The following ANO6 variants were observed in gnomAD, a reference collection of about 807,000 sequenced individuals.
ANO6 encodes anoctamin 6.
A neutral mutation model predicts 117.5 loss-of-function variants in ANO6; 106 were observed. The ratio of observed to expected loss-of-function variants is 0.90; its 90% confidence interval spans 0.77 to 1.06. The LOEUF is 1.06. ANO6 is among the 50% of genes least tolerant of loss of function. The pLI is 0.00. For synonymous variants in ANO6, 367 were observed against 385.1 expected, an observed-to-expected ratio of 0.95 and a Z score of 0.55; for missense variants, 955 against 1,121.1, an observed-to-expected ratio of 0.85 and a Z score of 2.12.
chr12:45,425,978 C>T (rs1350526778), intron 19 of ANO6, among the ~76,000 whole-genome samples: 1 of 152,196 alleles, frequency 6.6e-6, no homozygotes, highest in African/African-American at 2.4e-5. Flanking sequence ...ACAACAACTT[C>T]TAACAAAACC....
intron 1 of ANO6, among the ~76,000 whole-genome samples, chr12:45,252,280 T>C (rs1937647131): frequency 6.6e-6 from 1 of 152,258 alleles, no homozygotes; most frequent in Non-Finnish European, 1.5e-5. Context: ...CCTGATTTGA[T>C]GCTTTTGTGT....
intron 12 of ANO6, among the ~76,000 whole-genome samples, chr12:45,396,815 A>G: frequency 6.6e-6 from 1 of 152,200 alleles, no homozygotes; most frequent in African/African-American, 2.4e-5. Context: ...CCTTCCTTAC[A>G]CCTTGTACAA....
chr12:45,401,178 T>C (rs1239159217), intron 12 of ANO6, among the ~76,000 whole-genome samples: 1 of 152,140 alleles, frequency 6.6e-6, no homozygotes, highest in Non-Finnish European at 1.5e-5. Context: ...GTACCAACAG[T>C]TAGCTCAGGG....
At chr12:45,433,765 G>C (rs1943676352), downstream of ANO6, among the ~76,000 whole-genome samples, 1 of 152,220 alleles carries the variant, frequency 6.6e-6, no homozygotes, top group South Asian at 2.1e-4. Flanking sequence ...CAGCATTCCT[G>C]AGGGGAGAAG....
rs1943649598 is a variant in ANO6, at chr12:45,432,226, TTTG to T, written c.*2917_*2919del. On this transcript the variant is annotated 3_prime_UTR_variant, in exon 20 of 20. Coordinates refer to ENST00000320560, the MANE Select transcript of ANO6 (RefSeq NM_001025356.3). ...ACACATTGTGGCATAAGATGTAAAG[TTTG>T]TAATTAATGTTAATTTCTGTGCATT... 1.7e-5 allele frequency: 17 copies of T among 982,620 alleles called. No homozygotes were observed. The highest frequency in any genetic ancestry group is 1.1e-4 in the East Asian group (1 of 8,730). 60.9% of individuals were successfully genotyped at this position (982,620 alleles called of 1,614,324 possible). A position where few individuals can be genotyped will look rare whatever the true frequency, so the allele number is the denominator to read the frequency against.
intron 2 of ANO6, among the ~76,000 whole-genome samples, chr12:45,319,991 A>G (rs1417804795): frequency 6.6e-6 from 1 of 151,970 alleles, no homozygotes; most frequent in East Asian, 1.9e-4. Flanking sequence ...TATCGTGTCT[A>G]TTTGATTCTT....
chr12:45,259,833 G>A (rs940611955), intron 1 of ANO6, among the ~76,000 whole-genome samples: 6 of 152,232 alleles, frequency 3.9e-5, no homozygotes, highest in African/African-American at 1.4e-4. Context: ...AGCATGTACA[G>A]CAACCAAAGC....
intron 1 of ANO6, among the ~76,000 whole-genome samples, chr12:45,262,421 CTT>C (rs879362132): frequency 6.8e-6 from 1 of 146,010 alleles, no homozygotes. Context: ...ATTTCCAGAG[CTT>C]TTTTTTTTTT....
intron 1 of ANO6, among the ~76,000 whole-genome samples, chr12:45,263,240 CTT>C (rs1363072363): frequency 2.6e-5 from 4 of 150,952 alleles, no homozygotes; most frequent in Non-Finnish European, 4.4e-5. Context: ...GAGACAGAGT[CTT>C]TCTCTGTCAC....
chr12:45,367,718 C>T lies in ANO6; in HGVS notation c.1029C>T (p.Gly343=). ...AAGTTTGTCATCCTGATATTGGTGG[C>T]AAGATCATAATGTGTCCTCAGTGTG... ...SKEVCHPDIG[G]KIIMCPQCDR... Residue 343 remains glycine (G), a synonymous_variant, in exon 9 of 20, where the codon GGC becomes GGT. Transcript: ENST00000320560. 12 of 1,613,194 alleles carry T rather than the reference C, an allele frequency of 7.4e-6. No homozygotes were observed. Among genetic ancestry groups the T allele is most frequent in the Non-Finnish European group, 1.0e-5 (12 of 1,179,728 alleles).
intron 2 of ANO6, among the ~76,000 whole-genome samples, chr12:45,330,352 A>G (rs1306067340): frequency 2.0e-5 from 3 of 152,192 alleles, no homozygotes; most frequent in Admixed American, 6.6e-5. Flanking sequence ...AATTAATCAC[A>G]TTTAATGAAC....
chr12:45,362,722 A>C (rs1941586749), intron 8 of ANO6, among the ~76,000 whole-genome samples: 1 of 152,056 alleles, frequency 6.6e-6, no homozygotes, highest in South Asian at 2.1e-4. Flanking sequence ...TGGGGATTAT[A>C]ATTAACAACT....
rs768077880 is a variant in ANO6 at position 45,403,684 on chromosome 12, A to G, written c.1880+148A>G. 7.5e-4 allele frequency: 530 copies of G among 701,990 alleles called. 2 individuals are homozygous for G. Among genetic ancestry groups the G allele is most frequent in the Middle Eastern group, 1.4e-3 (6 of 4,222 alleles). 43.5% of individuals were successfully genotyped at this position (701,990 alleles called of 1,614,324 possible). Reference sequence around the variant, plus strand: ...GAATCTGTTGTCATTAAAGGTCTCCAGACAACATAGTCCAACCAACAATGC... The same window carrying G: ...GAATCTGTTGTCATTAAAGGTCTCCGGACAACATAGTCCAACCAACAATGC... On this transcript the variant is annotated intron_variant, in intron 15 of 19. Transcript: ENST00000320560.
intron 15 of ANO6, among the ~76,000 whole-genome samples, chr12:45,406,271 T>C (rs1168431324): frequency 6.6e-6 from 1 of 152,222 alleles, no homozygotes; most frequent in Non-Finnish European, 1.5e-5. Context: ...ATCAGTAAAT[T>C]ACAGAGTTGT....
At chr12:45,365,152 T>C (rs1282854184) in intron 8 of ANO6, among the ~76,000 whole-genome samples, 1 of 152,242 alleles carries the variant, frequency 6.6e-6, no homozygotes, top group Non-Finnish European at 1.5e-5. Context: ...TGTGAGTGTG[T>C]ATTGAGGAAA....
At chr12:45,217,645 C>T (rs530287742) in intron 1 of ANO6, among the ~76,000 whole-genome samples, 1 of 152,312 alleles carries the variant, frequency 6.6e-6, no homozygotes, top group South Asian at 2.1e-4. Flanking sequence ...ACAGGTTGGT[C>T]TGCCCAGCTT....
rs536100129 is a variant in ANO6 at position 45,358,477 on chromosome 12, A to T, written c.998+1053A>T. Among the ~76,000 whole-genome samples the T allele has an allele frequency of 5.4e-5, 8 of 148,438 alleles. No individual in the cohort carries two copies. The East Asian group carries it at 1.9e-3, about 35-fold the overall frequency. On this transcript the variant is annotated intron_variant, in intron 8 of 19. Coordinates refer to ENST00000320560, the MANE Select transcript of ANO6 (RefSeq NM_001025356.3). ...TTGGTTTGTACATTGTTCTAGTTTA[A>T]AAAAAAAAAATCAAAAATACATTTC...
intron 1 of ANO6, among the ~76,000 whole-genome samples, chr12:45,250,046 C>T (rs1187105439): frequency 1.3e-5 from 2 of 152,262 alleles, no homozygotes; most frequent in Non-Finnish European, 2.9e-5. Flanking sequence ...CTCAGTGTTG[C>T]CTTTTTAATA....
intron 1 of ANO6, among the ~76,000 whole-genome samples, chr12:45,269,230 G>A (rs995101103): frequency 6.6e-6 from 1 of 152,206 alleles, no homozygotes; most frequent in African/African-American, 2.4e-5. Flanking sequence ...CAGGAAATGA[G>A]ACAGTCTATC....
Sources: allele counts gnomAD v4.1 joint callset (sites outside exome capture counted in the v4.1 genomes callset), GRCh38; gene constraint gnomAD v4.1.1; transcripts MANE v1.5; gene names NCBI Gene and HGNC (gene_info 2026-07-23, HGNC 2026-07-21).